The following RORB variants were observed in gnomAD, a reference collection of about 807,000 sequenced individuals.
The protein encoded by RORB is RAR related orphan receptor B.
In RORB, 6 loss-of-function variants were observed where a neutral mutation model predicts 59.1. The ratio of observed to expected loss-of-function variants is 0.10; its 90% CI spans 0.06 to 0.20. The LOEUF (loss-of-function observed/expected upper bound fraction) is 0.20. Among genes scored for constraint, RORB ranks in the 10% least tolerant of loss-of-function variants. The pLI, the probability that RORB is intolerant of heterozygous loss-of-function variation, is 1.00. For missense variants in RORB, 320 were observed against 560.5 expected, an observed-to-expected ratio of 0.57 and a Z score of 4.33; for synonymous variants, 215 against 204.5, an observed-to-expected ratio of 1.05 and a Z score of -0.44.
intron 1 of RORB, among the ~76,000 whole-genome samples, chr9:74,565,843 G>T (rs1051787540): frequency 1.3e-5 from 2 of 152,088 alleles, no homozygotes; most frequent in South Asian, 2.1e-4. Context: ...TTAAGTCAGA[G>T]TCCCCTTCAT....
chr9:74,579,221 A>G (rs1822682773), intron 1 of RORB, among the ~76,000 whole-genome samples: 1 of 152,176 alleles, frequency 6.6e-6, no homozygotes, highest in Non-Finnish European at 1.5e-5. Context: ...AAGCAAATGA[A>G]CATAGAATTT....
intron 1 of RORB, among the ~76,000 whole-genome samples, chr9:74,548,638 A>G (rs1301881306): frequency 1.3e-5 from 2 of 152,238 alleles, no homozygotes; most frequent in South Asian, 2.1e-4. Context: ...CTTGCTCCCT[A>G]GAGTGGCTCG....
chr9:74,675,932 A>T (rs3793518), intron 9 of RORB, among the ~76,000 whole-genome samples: 3 of 152,020 alleles, frequency 2.0e-5, no homozygotes, highest in Non-Finnish European at 4.4e-5. Flanking sequence ...TGTTTGAACT[A>T]TAAAGACTGT....
chr9:74,623,200 T>C (rs1161779181), intron 1 of RORB, among the ~76,000 whole-genome samples: 1 of 152,200 alleles, frequency 6.6e-6, no homozygotes, highest in Non-Finnish European at 1.5e-5. Flanking sequence ...CCTTTGTCAG[T>C]ACTGAGTATC....
chr9:74,562,493 G>A (rs1057324572), intron 1 of RORB, among the ~76,000 whole-genome samples: 5 of 152,134 alleles, frequency 3.3e-5, no homozygotes, highest in Admixed American at 6.5e-5. Context: ...CAGAGGTGGA[G>A]CTCTGAATGC....
chr9:74,551,945 A>T (rs1826615607), intron 1 of RORB, among the ~76,000 whole-genome samples: 1 of 152,194 alleles, frequency 6.6e-6, no homozygotes, highest in African/African-American at 2.4e-5. Flanking sequence ...TTCAGGGAAG[A>T]GCATAGTAAG....
chr9:74,634,532 GT>G, intron 2 of RORB, 98 bp from the exon 3 acceptor site: 1 of 1,148,196 alleles, frequency 8.7e-7, no homozygotes, highest in South Asian at 1.8e-5. Flanking sequence ...ATTAAACTCA[GT>G]TATGTTCACT....
intron 1 of RORB, among the ~76,000 whole-genome samples, chr9:74,609,997 C>A (rs772026509): frequency 1.3e-5 from 2 of 152,210 alleles, no homozygotes; most frequent in Non-Finnish European, 2.9e-5. Context: ...AGAAACCCTG[C>A]TCTAGAACCT....
intron 1 of RORB, among the ~76,000 whole-genome samples, chr9:74,540,791 T>C (rs558584736): frequency 4.2e-4 from 64 of 152,286 alleles, no homozygotes; most frequent in African/African-American, 1.4e-3. Context: ...AAATATATCA[T>C]CTTGTAGGTA....
intron 8 of RORB, 151 bp from the exon 9 acceptor site, chr9:74,671,638 A>G (rs990559907): frequency 1.4e-5 from 7 of 495,208 alleles, no homozygotes; most frequent in Non-Finnish European, 2.6e-5. Context: ...TGCCTATGAA[A>G]TACTTATGTT....
chr9:74,626,391 C>T (rs1307245421), intron 1 of RORB, among the ~76,000 whole-genome samples: 3 of 151,886 alleles, frequency 2.0e-5, no homozygotes, highest in Non-Finnish European at 4.4e-5. Context: ...ATTTTATAAA[C>T]AAAAATATTA....
chr9:74,577,805 T>C (rs1458087988), intron 1 of RORB, among the ~76,000 whole-genome samples: 3 of 152,088 alleles, frequency 2.0e-5, no homozygotes, highest in Non-Finnish European at 4.4e-5. Flanking sequence ...AAAACCTGTA[T>C]AAAATGCCTG....
At chr9:74,559,443 C>T (rs1486688442) in intron 1 of RORB, among the ~76,000 whole-genome samples, 2 of 152,120 alleles carry the variant, frequency 1.3e-5, no homozygotes, top group Non-Finnish European at 2.9e-5. Context: ...ACAACTCCCT[C>T]GACCCAGACC....
At chr9:74,666,261 T>A (rs1413422706) in intron 7 of RORB, among the ~76,000 whole-genome samples, 1 of 152,008 alleles carries the variant, frequency 6.6e-6, no homozygotes, top group Non-Finnish European at 1.5e-5. Flanking sequence ...CACTCCAGCT[T>A]GGGCAACAGA....
At chr9:74,568,593 G>C (rs186101895) in intron 1 of RORB, among the ~76,000 whole-genome samples, 1,816 of 151,496 alleles carry the variant, frequency 0.012, 22 homozygotes, top group Admixed American at 0.028. Flanking sequence ...CCAGCTACTC[G>C]GGAGGCTGAG....
At chr9:74,538,588 C>G (rs1040832156) in intron 1 of RORB, among the ~76,000 whole-genome samples, 1 of 151,818 alleles carries the variant, frequency 6.6e-6, no homozygotes, top group African/African-American at 2.4e-5. Context: ...TATTTATTAG[C>G]AATTATTAAT....
At chr9:74,602,771 T>A (rs752592814) in intron 1 of RORB, among the ~76,000 whole-genome samples, 1 of 152,222 alleles carries the variant, frequency 6.6e-6, no homozygotes, top group Non-Finnish European at 1.5e-5. Context: ...TTTCACTGTA[T>A]AAATTGGTTT....
chr9:74,583,651 A>G (rs1047984586), intron 1 of RORB, among the ~76,000 whole-genome samples: 18 of 152,290 alleles, frequency 1.2e-4, no homozygotes, highest in Admixed American at 1.1e-3. Flanking sequence ...TCAGTTGTAG[A>G]AGATGAACAG....
At chr9:74,560,528 A>G (rs574714920) in intron 1 of RORB, among the ~76,000 whole-genome samples, 4 of 126,702 alleles carry the variant, frequency 3.2e-5, no homozygotes, top group Non-Finnish European at 7.2e-5. Flanking sequence ...CTAAGAAAAT[A>G]CATATATTCT....
Sources: allele counts gnomAD v4.1 joint callset (sites outside exome capture counted in the v4.1 genomes callset), GRCh38; gene constraint gnomAD v4.1.1; transcripts MANE v1.5; gene names NCBI Gene and HGNC (gene_info 2026-07-23, HGNC 2026-07-21).